Variants in PIEZO2 observed in about 807,000 individuals in gnomAD.
The protein encoded by PIEZO2 is piezo-type mechanosensitive ion channel component 2.
A neutral mutation model predicts 337.3 loss-of-function variants in PIEZO2; 172 were observed. The observed-to-expected ratio is 0.51, with a 90% confidence interval of 0.45 to 0.58. PIEZO2 has a LOEUF of 0.58. Among genes scored for constraint, PIEZO2 ranks in the 20% least tolerant of loss-of-function variants. The pLI is 0.00. For synonymous variants in PIEZO2, 1,251 were observed against 1,228.5 expected, an observed-to-expected ratio of 1.02 and a Z score of -0.38; for missense variants, 3,028 against 3,391.3, an observed-to-expected ratio of 0.89 and a Z score of 2.66.
At chr18:10,704,173 T>G in intron 42 of PIEZO2, 1 of 594,942 alleles carries the variant, frequency 1.7e-6, no homozygotes, top group Non-Finnish European at 2.9e-6. Context: ...CCGCCGTGCG[T>G]GAGGTGTGCA....
chr18:11,024,503 G>A lies in PIEZO2; in HGVS notation c.160+41624C>T, dbSNP rs551474329. The stretch of plus-strand genomic sequence containing the variant: ...GGAGCTTGCAGTGAGCCGAGATCGC[G>A]CCACTGCACTCCAGCCTGGGCGACA... On this transcript the variant is annotated intron_variant, in intron 2 of 55. Transcript: ENST00000674853. 5.1e-4 allele frequency among the ~76,000 whole-genome samples: 73 copies of A among 143,158 alleles called. 1 individual carries two copies. The South Asian group carries it at 0.012, about 24-fold the overall frequency. 93.9% of individuals were successfully genotyped at this position (143,158 alleles called of 152,430 possible).
chr18:10,785,756 T>C (rs2039198876), intron 16 of PIEZO2, among the ~76,000 whole-genome samples: 1 of 152,132 alleles, frequency 6.6e-6, no homozygotes, highest in South Asian at 2.1e-4. Flanking sequence ...TAGGGGAAGC[T>C]CCCATCATTT....
chr18:10,750,518 G>C lies in PIEZO2; in HGVS notation c.4168-331C>G, dbSNP rs1165564991. On this transcript the variant is annotated intron_variant, in intron 28 of 55. Transcript: ENST00000674853. The surrounding 1 kb of genome is among the most constrained non-coding windows in gnomAD (Gnocchi z 4.1). ...ATGAATGGGTGTGCACTGAACCCTA[G>C]AACTTGGACTTTGGTAGAGTTATTT... Among the ~76,000 whole-genome samples, 3 of 152,202 alleles carry C rather than the reference G, an allele frequency of 2.0e-5. No homozygotes were observed. Among genetic ancestry groups the C allele is most frequent in the Non-Finnish European group, 4.4e-5 (3 of 68,038 alleles).
In PIEZO2 at chr18:10,894,665, G is replaced by A. The variant is rs552043488; in HGVS notation, c.329+16521C>T. ...AAAGAAGGGGCGCAAGACTCCGGACGTATGCCAACGCATAAAACCCCAAGT... is the reference window on the plus strand; with the variant it reads ...AAAGAAGGGGCGCAAGACTCCGGACATATGCCAACGCATAAAACCCCAAGT... On this transcript the variant is annotated intron_variant, in intron 4 of 55. Transcript: ENST00000674853. This position sits in a 1 kb window ranked among gnomAD's most constrained non-coding sequence, Gnocchi z 4.1. The A allele has an allele frequency of 2.8e-3, 434 of 152,366 alleles. No individual in the cohort carries two copies. Among genetic ancestry groups the A allele is most frequent in the Non-Finnish European group, 5.2e-3 (353 of 68,076 alleles). The allele number at this position is 152,366 out of a possible 1,614,324, so 9.4% of individuals were successfully genotyped here.
rs1014362123 is a variant in PIEZO2, at chr18:10,886,345, C to T, written c.330-14930G>A. Among the ~76,000 whole-genome samples, 42 of 8,074 alleles carry T rather than the reference C, an allele frequency of 5.2e-3. 1 individual carries two copies. Among genetic ancestry groups the T allele is most frequent in the African/African-American group, 0.017 (19 of 1,132 alleles). The allele number at this position is 8,074 out of a possible 152,430, so 5.3% of individuals were successfully genotyped here. ...ATACATATATATATATATATATATA[C>T]ACACACACACACACACATATATATG... On this transcript the variant is annotated intron_variant, in intron 4 of 55. Coordinates refer to ENST00000674853, the MANE Select transcript of PIEZO2 (RefSeq NM_001378183.1).
chr18:10,845,993 G>A (rs560509083), intron 7 of PIEZO2, among the ~76,000 whole-genome samples: 2 of 152,286 alleles, frequency 1.3e-5, no homozygotes, highest in East Asian at 1.9e-4. Flanking sequence ...GATGGATTGA[G>A]GCAGTGGGAG....
rs2039152693 is a variant in PIEZO2, at chr18:10,784,692, T to C, written c.2492+92A>G. 2.4e-6 allele frequency: 3 copies of C among 1,227,762 alleles called. No individual in the cohort carries two copies. Among genetic ancestry groups the C allele is most frequent in the Non-Finnish European group, 3.3e-6 (3 of 920,878 alleles). 76.1% of individuals were successfully genotyped at this position (1,227,762 alleles called of 1,614,324 possible). ...AAAATTCAAGGCTGAAACTTTTAGA[T>C]TACTGGCTTCTCGCAAGGTGGCCAA... On this transcript the variant is annotated intron_variant, in intron 17 of 55. Coordinates refer to ENST00000674853, the MANE Select transcript of PIEZO2 (RefSeq NM_001378183.1). The surrounding 1 kb of genome is among the most constrained non-coding windows in gnomAD (Gnocchi z 4.5).
chr18:10,902,765 A>G (rs1219416437), intron 4 of PIEZO2, among the ~76,000 whole-genome samples: 5 of 152,200 alleles, frequency 3.3e-5, no homozygotes, highest in Admixed American at 6.5e-5. Flanking sequence ...CAAAGTGCAG[A>G]CCCTGAACAG....
rs1429761482 is a variant in PIEZO2 at position 10,847,194 on chromosome 18, C to G, written c.917+8159G>C. On this transcript the variant is annotated intron_variant, in intron 7 of 55. Coordinates refer to ENST00000674853, the MANE Select transcript of PIEZO2 (RefSeq NM_001378183.1). The surrounding 1 kb of genome is among the most constrained non-coding windows in gnomAD (Gnocchi z 5.7). ...TGTGGTATTATTAAATCAGTGGAAC[C>G]CATGTGATGCTCGCTGGCCAGATGA... Among the ~76,000 whole-genome samples the G allele has an allele frequency of 6.6e-6, 1 of 152,170 alleles. No individual in the cohort carries two copies. Among genetic ancestry groups the G allele is most frequent in the Non-Finnish European group, 1.5e-5 (1 of 68,028 alleles).
intron 41 of PIEZO2, 67 bp downstream of exon 41, chr18:10,705,269 G>T (rs2035528526): frequency 1.4e-6 from 2 of 1,438,342 alleles, no homozygotes; most frequent in African/African-American, 1.4e-5. Context: ...TCTGTATACA[G>T]AATTAGGGCA....
intron 30 of PIEZO2, among the ~76,000 whole-genome samples, chr18:10,745,396 T>G (rs2037384551): frequency 2.0e-5 from 3 of 152,194 alleles, no homozygotes; most frequent in African/African-American, 7.2e-5. Flanking sequence ...TCCCACATTT[T>G]CCTATGTAGG....
At position 10,846,231 on chromosome 18, in the gene PIEZO2, G is replaced by C. The variant is rs940829151; in HGVS notation, c.917+9122C>G. Among the ~76,000 whole-genome samples the C allele has an allele frequency of 3.3e-5, 5 of 152,196 alleles. No individual in the cohort carries two copies. Among genetic ancestry groups the C allele is most frequent in the Admixed American group, 6.5e-5 (1 of 15,270 alleles). On this transcript the variant is annotated intron_variant, in intron 7 of 55. Transcript: ENST00000674853. The surrounding 1 kb of genome is among the most constrained non-coding windows in gnomAD (Gnocchi z 4.1). ...CATGGCAGAAGGCAAGGAGGAGCAA[G>C]TCACATCTTACACAGATGGCAGCAG... is the stretch of plus-strand genomic sequence containing the variant.
At chr18:10,675,178 C>T (rs1486332187) in intron 54 of PIEZO2, 31 bp downstream of exon 54, 2 of 1,438,352 alleles carry the variant, frequency 1.4e-6, no homozygotes, top group Non-Finnish European at 1.9e-6. Flanking sequence ...GGATTGAAAA[C>T]AATTCTGAAA....
chr18:10,882,026 T>C (rs1187037555), intron 4 of PIEZO2, among the ~76,000 whole-genome samples: 1 of 152,238 alleles, frequency 6.6e-6, no homozygotes, highest in African/African-American at 2.4e-5. Flanking sequence ...CTTTGAATTT[T>C]CACCCGCCTC....
In PIEZO2 at chr18:10,682,347, G is replaced by C. The variant is rs2034302623; in HGVS notation, c.7498-55C>G. ...GCTCAGGCTCAGGTGCTTTCCCGCA[G>C]GCAGCGGGATTGGGGGAGAGCGAGT... On this transcript the variant is annotated intron_variant, in intron 49 of 55. Coordinates refer to ENST00000674853, the MANE Select transcript of PIEZO2 (RefSeq NM_001378183.1). This position sits in a 1 kb window ranked among gnomAD's most constrained non-coding sequence, Gnocchi z 5.6. 7 of 1,458,550 alleles carry C rather than the reference G, an allele frequency of 4.8e-6. No homozygotes were observed. Among genetic ancestry groups the C allele is most frequent in the Non-Finnish European group, 6.4e-6 (7 of 1,091,786 alleles). The allele number at this position is 1,458,550 out of a possible 1,614,324, so 90.4% of individuals were successfully genotyped here. A position where few individuals can be genotyped will look rare whatever the true frequency, so the allele number is the denominator to read the frequency against.
intron 2 of PIEZO2, among the ~76,000 whole-genome samples, chr18:11,013,386 A>C (rs974307308): frequency 1.3e-5 from 2 of 152,202 alleles, no homozygotes; most frequent in Non-Finnish European, 2.9e-5. Context: ...CCAGCCCTTG[A>C]CTTTAGCTCA....
intron 36 of PIEZO2, chr18:10,725,219 T>A: frequency 6.4e-7 from 1 of 1,565,398 alleles, no homozygotes; most frequent in Non-Finnish European, 8.8e-7. Flanking sequence ...CTGGAGAAGT[T>A]TGGAACCTAC....
chr18:10,686,427 T>A (rs2034548061), intron 49 of PIEZO2, among the ~76,000 whole-genome samples: 1 of 151,726 alleles, frequency 6.6e-6, no homozygotes, highest in Non-Finnish European at 1.5e-5. Flanking sequence ...CTCCAGAGAG[T>A]CAGAGACAAG....
At chr18:10,875,651 A>G (rs1250183529) in intron 4 of PIEZO2, among the ~76,000 whole-genome samples, 1 of 152,232 alleles carries the variant, frequency 6.6e-6, no homozygotes, top group African/African-American at 2.4e-5. Context: ...GACTTCTTAT[A>G]TTAAAGTAAC....
Sources: gnomAD v4.1 joint callset for allele counts (sites outside exome capture counted in the v4.1 genomes callset) on GRCh38, gnomAD v4.1.1 for gene constraint, Gnocchi (gnomAD v3.1) non-coding constraint, MANE v1.5 for transcripts, NCBI Gene and HGNC (gene_info 2026-07-23, HGNC 2026-07-21) for gene names.